The following ARSK variants were observed in gnomAD, a reference collection of about 807,000 sequenced individuals.
ARSK encodes the protein arylsulfatase family member K.
In ARSK, 37 loss-of-function variants were observed where a neutral mutation model predicts 53.2. The observed-to-expected ratio is 0.70, with a 90% confidence interval of 0.54 to 0.92. The LOEUF (loss-of-function observed/expected upper bound fraction) is 0.92. ARSK is among the 40% of genes least tolerant of loss of function. ARSK has a pLI of 0.00. For synonymous variants in ARSK, 208 were observed against 223.2 expected, an observed-to-expected ratio of 0.93 and a Z score of 0.61; for missense variants, 613 against 643.0, an observed-to-expected ratio of 0.95 and a Z score of 0.51.
At chr5:95,601,157 T>C in intron 7 of ARSK, 86 bp downstream of exon 7, 5 of 1,241,542 alleles carry the variant, frequency 4.0e-6, no homozygotes, top group Non-Finnish European at 5.7e-6. Context: ...CAATAATCCT[T>C]GTTAAATAAA....
intron 6 of ARSK, among the ~76,000 whole-genome samples, chr5:95,592,326 A>C (rs1038106654): frequency 8.5e-5 from 13 of 152,242 alleles, no homozygotes; most frequent in Non-Finnish European, 1.9e-4. Context: ...AAAAAATAGC[A>C]CAAGTTATGT....
intron 6 of ARSK, among the ~76,000 whole-genome samples, chr5:95,600,214 C>A (rs1019259854): frequency 6.6e-6 from 1 of 152,180 alleles, no homozygotes; most frequent in Non-Finnish European, 1.5e-5. Context: ...AGATGCTAGT[C>A]CCTCAAGATG....
chr5:95,596,285 T>C (rs1749306294), intron 6 of ARSK, among the ~76,000 whole-genome samples: 1 of 152,212 alleles, frequency 6.6e-6, no homozygotes, highest in Non-Finnish European at 1.5e-5. Context: ...ACAAAGGACT[T>C]CTTATTTTGT....
intron 3 of ARSK, among the ~76,000 whole-genome samples, chr5:95,573,510 A>G (rs1015181637): frequency 1.3e-5 from 2 of 152,222 alleles, no homozygotes; most frequent in African/African-American, 4.8e-5. Flanking sequence ...TGCAAATACA[A>G]TAGCAATCAC....
chr5:95,593,821 G>T (rs1749257124), intron 6 of ARSK, among the ~76,000 whole-genome samples: 3 of 151,634 alleles, frequency 2.0e-5, no homozygotes, highest in African/African-American at 7.3e-5. Context: ...TTTTTTTCCT[G>T]CAATTTGTCA....
At chr5:95,601,110 G>A (rs375636259) in intron 7 of ARSK, 39 bp downstream of exon 7, 20 of 1,501,570 alleles carry the variant, frequency 1.3e-5, no homozygotes, top group East Asian at 2.3e-5. Flanking sequence ...AATATTATGT[G>A]TAATGAACTG....
chr5:95,568,429 C>CTT (rs112671304), intron 3 of ARSK, among the ~76,000 whole-genome samples: 5 of 150,432 alleles, frequency 3.3e-5, no homozygotes, highest in African/African-American at 1.2e-4. Flanking sequence ...TCTATTGTAA[C>CTT]TTTTTTTTTT....
intron 1 of ARSK, among the ~76,000 whole-genome samples, chr5:95,565,102 CATATA>C (rs767045304): frequency 4.6e-5 from 7 of 152,184 alleles, no homozygotes; most frequent in Admixed American, 1.3e-4. Flanking sequence ...ATGTTGAAAA[CATATA>C]ATAGATAGAA....
chr5:95,573,666 TTATG>T (rs1227802625), intron 3 of ARSK, among the ~76,000 whole-genome samples: 2 of 152,232 alleles, frequency 1.3e-5, no homozygotes, highest in African/African-American at 2.4e-5. Flanking sequence ...ACCATTGTAA[TTATG>T]TATGTTGTCT....
At chr5:95,583,581 T>C (rs1181375942) in intron 4 of ARSK, among the ~76,000 whole-genome samples, 3 of 152,100 alleles carry the variant, frequency 2.0e-5, no homozygotes, top group Non-Finnish European at 4.4e-5. Flanking sequence ...TTAAAAACAT[T>C]TATCAAAATA....
intron 3 of ARSK, among the ~76,000 whole-genome samples, chr5:95,573,377 A>C (rs964632287): frequency 7.2e-5 from 11 of 152,238 alleles, no homozygotes; most frequent in Non-Finnish European, 1.3e-4. Context: ...AGAATTCCTT[A>C]AAGTACTAAG....
intron 6 of ARSK, among the ~76,000 whole-genome samples, chr5:95,595,166 T>A (rs900716197): frequency 1.3e-5 from 2 of 152,092 alleles, no homozygotes; most frequent in Non-Finnish European, 2.9e-5. Context: ...TGGCAATTAT[T>A]AAAAAGTCAA....
At chr5:95,584,536 T>C (rs1749076366) in intron 4 of ARSK, among the ~76,000 whole-genome samples, 1 of 152,194 alleles carries the variant, frequency 6.6e-6, no homozygotes, top group African/African-American at 2.4e-5. Flanking sequence ...TTTAAGTTAC[T>C]TTAAAAACTA....
chr5:95,555,145 G>A lies in ARSK; in HGVS notation c.-134G>A. On this transcript the variant is annotated 5_prime_UTR_variant, in exon 1 of 8. Transcript: ENST00000380009. This position sits in a 1 kb window ranked among gnomAD's most constrained non-coding sequence, Gnocchi z 4.0. Reference sequence around the variant, plus strand: ...TAGGAGTTGTAGTTCTGCGGGTGAAGCTCGGCGTTACTATCAAGCAACCAA... The same window carrying A: ...TAGGAGTTGTAGTTCTGCGGGTGAAACTCGGCGTTACTATCAAGCAACCAA... The A allele has an allele frequency of 2.8e-6, 2 of 723,422 alleles. No individual in the cohort carries two copies. The highest frequency in any genetic ancestry group is 4.3e-6 in the Non-Finnish European group (2 of 459,840). 44.8% of individuals were successfully genotyped at this position (723,422 alleles called of 1,614,324 possible). A position where few individuals can be genotyped will look rare whatever the true frequency, so the allele number is the denominator to read the frequency against.
At chr5:95,572,926 G>C (rs1366062692) in intron 3 of ARSK, among the ~76,000 whole-genome samples, 1 of 152,148 alleles carries the variant, frequency 6.6e-6, no homozygotes. Flanking sequence ...GAAGACATTT[G>C]ACAATGTCTG....
chr5:95,602,052 C>G (rs1749409870), intron 7 of ARSK, among the ~76,000 whole-genome samples: 1 of 152,000 alleles, frequency 6.6e-6, no homozygotes, highest in African/African-American at 2.4e-5. Flanking sequence ...AAAAGAGAAT[C>G]ACAATAACCA....
intron 2 of ARSK, among the ~76,000 whole-genome samples, chr5:95,567,585 A>G (rs1043771714): frequency 2.0e-5 from 3 of 152,322 alleles, no homozygotes; most frequent in African/African-American, 4.8e-5. Context: ...GATTGTTTTT[A>G]TGATTGAAAG....
intron 3 of ARSK, 117 bp downstream of exon 3, chr5:95,568,166 C>T: frequency 8.9e-7 from 1 of 1,127,204 alleles, no homozygotes; most frequent in East Asian, 2.6e-5. Flanking sequence ...ATCTCTTAAT[C>T]CCTTCATTGT....
chr5:95,580,676 G>A (rs1489829701), intron 3 of ARSK, among the ~76,000 whole-genome samples: 2 of 152,178 alleles, frequency 1.3e-5, no homozygotes, highest in Non-Finnish European at 2.9e-5. Flanking sequence ...CTCTTATTGT[G>A]TTTCATGATG....
Sources: gnomAD v4.1 joint callset for allele counts (sites outside exome capture counted in the v4.1 genomes callset) on GRCh38, gnomAD v4.1.1 for gene constraint, Gnocchi (gnomAD v3.1) non-coding constraint, MANE v1.5 for transcripts, NCBI Gene and HGNC (gene_info 2026-07-23, HGNC 2026-07-21) for gene names.